Variants in GLG1 observed in about 807,000 individuals in gnomAD.
GLG1 encodes the protein golgi glycoprotein 1.
Under a neutral mutation model 160.5 loss-of-function variants are expected in GLG1, and 38 were observed. The ratio of observed to expected loss-of-function variants is 0.24; its 90% CI spans 0.18 to 0.31. The LOEUF (loss-of-function observed/expected upper bound fraction) is 0.31. GLG1 is among the 10% of genes least tolerant of loss of function. The pLI is 1.00. For missense variants in GLG1, 1,373 were observed against 1,505.2 expected (o/e 0.91, Z 1.45); for synonymous variants, 644 against 543.4 (o/e 1.19, Z -2.57).
chr16:74,465,958 C>CTTTGGTAAGG, intron 18 of GLG1, 145 bp from the exon 19 acceptor site: 1 of 764,248 alleles, frequency 1.3e-6, no homozygotes, highest in Non-Finnish European at 2.2e-6. Flanking sequence ...ATTTCCTTAC[C>CTTTGGTAAGG]AAAGATAAGG....
At chr16:74,500,467 C>CA (rs1396073345) in intron 4 of GLG1, among the ~76,000 whole-genome samples, 1,624 of 140,434 alleles carry the variant, frequency 0.012, 7 homozygotes, top group Non-Finnish European at 0.018. Context: ...ACGGCCCCCA[C>CA]AAAAAAAAAC....
At position 74,465,742 on chromosome 16, in the gene GLG1, C is replaced by T. The variant is rs1390572636; in HGVS notation, c.2601G>A (p.Gln867=). Reference sequence around the variant, plus strand: ...GCTCTGGGTCCATCATCTCTGTCTCCTGCAGCTTAAATACTTTTTGGTGGC... The same window carrying T: ...GCTCTGGGTCCATCATCTCTGTCTCTTGCAGCTTAAATACTTTTTGGTGGC... ...TRCHQKVFKL[Q]ETEMMDPELD... The change falls in exon 19 of 26, where the codon CAG becomes CAA. Residue 867 remains glutamine, a synonymous_variant. Transcript: ENST00000422840. The T allele has an allele frequency of 4.3e-6, 7 of 1,613,694 alleles. No individual in the cohort carries two copies. The highest frequency in any genetic ancestry group is 1.1e-5 in the South Asian group (1 of 91,070).
intron 24 of GLG1, among the ~76,000 whole-genome samples, chr16:74,457,390 C>A (rs1191866685): frequency 6.6e-6 from 1 of 152,096 alleles, no homozygotes; most frequent in Non-Finnish European, 1.5e-5. Flanking sequence ...GAGTGAGACT[C>A]TGTCTCAAAA....
chr16:74,528,811 CAAAAAAA>C (rs35777516), intron 2 of GLG1, among the ~76,000 whole-genome samples: 16 of 62,800 alleles, frequency 2.5e-4, no homozygotes, highest in African/African-American at 7.3e-4. Context: ...GATTCTGTCT[CAAAAAAA>C]AAAAAAAAAA....
At chr16:74,471,069 C>CT in intron 15 of GLG1, 104 bp downstream of exon 15, 1 of 750,306 alleles carries the variant, frequency 1.3e-6, no homozygotes, top group Non-Finnish European at 2.4e-6. Context: ...AAAAAAATGA[C>CT]TTTTAACAGA....
rs768101788 is a variant in GLG1 at position 74,506,598 on chromosome 16, A to AAAAAAAAC, written c.558+2240_558+2241insGTTTTTTT. Among the ~76,000 whole-genome samples, 32 of 144,664 alleles carry AAAAAAAAC rather than the reference A, an allele frequency of 2.2e-4. 2 individuals are homozygous for AAAAAAAAC. The highest frequency in any genetic ancestry group is 3.2e-4 in the African/African-American group (12 of 37,656). The allele number at this position is 144,664 out of a possible 152,430, so 94.9% of individuals were successfully genotyped here. A position where few individuals can be genotyped will look rare whatever the true frequency, so the allele number is the denominator to read the frequency against. ...CTCCGTCTCAAAAAAAAAAAAAAAA[A>AAAAAAAAC]AAAAAACTCAAGAGAAACCAGGAGC... is the stretch of plus-strand genomic sequence containing the variant. On this transcript the variant is annotated intron_variant, in intron 3 of 25. Coordinates refer to ENST00000422840, the MANE Select transcript of GLG1 (RefSeq NM_001145667.2).
intron 4 of GLG1, among the ~76,000 whole-genome samples, chr16:74,501,061 A>C (rs1038818757): frequency 1.3e-5 from 2 of 152,258 alleles, no homozygotes; most frequent in Admixed American, 1.3e-4. Flanking sequence ...CAGTGGCAGC[A>C]AATTTGAAAC....
intron 11 of GLG1, among the ~76,000 whole-genome samples, chr16:74,477,977 A>AAAATAAATAAATAAATAAATAAAT (rs140504819): frequency 1.4e-4 from 20 of 140,200 alleles, no homozygotes; most frequent in South Asian, 8.4e-4. Flanking sequence ...CCGTCTCAAA[A>AAAATAAATAAATAAATAAATAAAT]AAATAAATAA....
chr16:74,464,865 C>CA lies in GLG1; in HGVS notation c.2667+810dup, dbSNP rs1458312930. Among the ~76,000 whole-genome samples the CA allele has an allele frequency of 3.3e-5, 5 of 151,828 alleles. No homozygotes were observed. The South Asian group carries it at 8.3e-4, about 25-fold the overall frequency. Reference sequence around the variant, plus strand: ...AAAATTTTTTTTTTCTTTTTTGAGACAGAGTCTTACTCTGTCGCTCAGGCT... The same window carrying CA: ...AAAATTTTTTTTTTCTTTTTTGAGACAAGAGTCTTACTCTGTCGCTCAGGCT... On this transcript the variant is annotated intron_variant, in intron 19 of 25. Transcript: ENST00000422840.
chr16:74,502,010 T>G (rs146459983), intron 4 of GLG1, among the ~76,000 whole-genome samples: 1 of 152,188 alleles, frequency 6.6e-6, no homozygotes, highest in African/African-American at 2.4e-5. Flanking sequence ...AGCCAGACAA[T>G]ACACAGCAAG....
intron 1 of GLG1, among the ~76,000 whole-genome samples, chr16:74,577,522 CAA>C (rs71376222): frequency 5.8e-5 from 7 of 120,198 alleles, no homozygotes; most frequent in Non-Finnish European, 3.5e-5. Context: ...AACTCCATCT[CAA>C]AAAAAAAAAA....
chr16:74,567,757 A>G (rs976086748), intron 1 of GLG1, among the ~76,000 whole-genome samples: 24 of 149,282 alleles, frequency 1.6e-4, no homozygotes. Flanking sequence ...TTTAGTAGAG[A>G]CGGGGTTTCA....
chr16:74,474,015 G>A (rs565015289), intron 13 of GLG1, among the ~76,000 whole-genome samples: 5 of 151,956 alleles, frequency 3.3e-5, no homozygotes, highest in Non-Finnish European at 5.9e-5. Context: ...GTACAGTGGC[G>A]CAATCTAGGC....
intron 16 of GLG1, chr16:74,469,370 G>C (rs1025689914): frequency 1.1e-5 from 4 of 378,004 alleles, no homozygotes; most frequent in African/African-American, 2.0e-5. Flanking sequence ...GAGGAATGCT[G>C]CTCTTAACTC....
At chr16:74,542,341 A>G (rs965927489) in intron 1 of GLG1, among the ~76,000 whole-genome samples, 13 of 151,888 alleles carry the variant, frequency 8.6e-5, no homozygotes, top group African/African-American at 3.1e-4. Context: ...AAATTTGTCA[A>G]ATCAGTAGCT....
intron 19 of GLG1, 48 bp from the exon 20 acceptor site, chr16:74,463,527 A>T (rs766084889): frequency 5.6e-5 from 90 of 1,598,150 alleles, no homozygotes; most frequent in Admixed American, 1.7e-4. Context: ...CATGGCGATT[A>T]ACTCCATCTG....
chr16:74,509,275 C>T (rs951600706), intron 2 of GLG1, among the ~76,000 whole-genome samples: 33 of 146,704 alleles, frequency 2.2e-4, no homozygotes, highest in African/African-American at 8.0e-4. Flanking sequence ...CGGGTTCAAG[C>T]GATTCTTAAA....
At chr16:74,563,700 C>T (rs1199505037) in intron 1 of GLG1, among the ~76,000 whole-genome samples, 2 of 147,710 alleles carry the variant, frequency 1.4e-5, no homozygotes, top group African/African-American at 5.0e-5. Context: ...ATTCTCCAGC[C>T]TGCGCAACAG....
intron 1 of GLG1, among the ~76,000 whole-genome samples, chr16:74,596,998 A>C (rs1958320249): frequency 6.6e-6 from 1 of 152,096 alleles, no homozygotes; most frequent in South Asian, 2.1e-4. Context: ...GTTACTACTA[A>C]GGAGGAGATA....
Sources: gnomAD v4.1 joint callset for allele counts (sites outside exome capture counted in the v4.1 genomes callset) on GRCh38, gnomAD v4.1.1 for gene constraint, MANE v1.5 for transcripts, NCBI Gene and HGNC (gene_info 2026-07-23, HGNC 2026-07-21) for gene names.